CIMAP3: variants seen among roughly 807,000 people sequenced by gnomAD.
CIMAP3 encodes ciliary microtubule associated protein 3.
At chr1:111,338,751 T>G in the CIMAP3 span, among the ~76,000 whole-genome samples, 1 of 151,882 alleles carries the variant, frequency 6.6e-6, no homozygotes, top group Non-Finnish European at 1.5e-5. Flanking sequence ...CCAGATGGAT[T>G]CACAGCCGAA....
the CIMAP3 span, among the ~76,000 whole-genome samples, chr1:111,329,551 AT>A: frequency 7.4e-5 from 4 of 54,152 alleles, no homozygotes; most frequent in African/African-American, 3.2e-4. Context: ...ATATATATAT[AT>A]ATATATAATT....
chr1:111,343,862 G>T, the CIMAP3 span, among the ~76,000 whole-genome samples: 1 of 152,132 alleles, frequency 6.6e-6, no homozygotes, highest in Admixed American at 6.5e-5. Flanking sequence ...TATTGACTTT[G>T]TTTTTAGAGT....
the CIMAP3 span, among the ~76,000 whole-genome samples, chr1:111,334,560 C>G: frequency 2.0e-5 from 3 of 152,184 alleles, no homozygotes; most frequent in Non-Finnish European, 4.4e-5. Flanking sequence ...GAACCAGTAA[C>G]TGACCCTACT....
chr1:111,328,296 A>C, the CIMAP3 span, among the ~76,000 whole-genome samples: 4 of 152,224 alleles, frequency 2.6e-5, no homozygotes, highest in Non-Finnish European at 5.9e-5. Context: ...AGTATGTGCC[A>C]GGTGGCAATG....
At chr1:111,337,696 C>A in the CIMAP3 span, among the ~76,000 whole-genome samples, 1 of 152,164 alleles carries the variant, frequency 6.6e-6, no homozygotes, top group Non-Finnish European at 1.5e-5. Context: ...ATTCATAAAG[C>A]AAGTCCTGAG....
At chr1:111,331,905 G>A in the CIMAP3 span, among the ~76,000 whole-genome samples, 1 of 152,138 alleles carries the variant, frequency 6.6e-6, no homozygotes, top group Admixed American at 6.5e-5. Flanking sequence ...TTCAGGGAGG[G>A]TGCATTGGCC....
the CIMAP3 span, among the ~76,000 whole-genome samples, chr1:111,337,461 T>C: frequency 1.3e-5 from 2 of 151,936 alleles, no homozygotes; most frequent in African/African-American, 2.4e-5. Flanking sequence ...CCATCTCACA[T>C]GCAGAGACAC....
the CIMAP3 span, among the ~76,000 whole-genome samples, chr1:111,332,307 C>G: frequency 3.9e-5 from 6 of 152,318 alleles, no homozygotes; most frequent in South Asian, 6.2e-4. Context: ...GGACCCAGCT[C>G]TATGACTGCT....
chr1:111,346,800 C>T, the CIMAP3 span: 6 of 1,572,076 alleles, frequency 3.8e-6, no homozygotes, highest in Non-Finnish European at 5.2e-6. Flanking sequence ...TTTGTAAGCG[C>T]ACGGTTGGGC....
the CIMAP3 span, among the ~76,000 whole-genome samples, chr1:111,334,565 C>T: frequency 3.9e-5 from 6 of 152,174 alleles, no homozygotes; most frequent in African/African-American, 1.4e-4. Context: ...AGTAACTGAC[C>T]CTACTGAGAC....
chr1:111,343,091 A>G, the CIMAP3 span, among the ~76,000 whole-genome samples: 3 of 152,188 alleles, frequency 2.0e-5, no homozygotes, highest in Non-Finnish European at 2.9e-5. Flanking sequence ...AAACCCATAC[A>G]TTGAATTATT....
chr1:111,347,782 TG>T, the CIMAP3 span: 1 of 1,592,820 alleles, frequency 6.3e-7, no homozygotes. Context: ...GGTAATGTGC[TG>T]GGATTTTAGT....
chr1:111,347,144 A>T, the CIMAP3 span: 1 of 1,389,150 alleles, frequency 7.2e-7, no homozygotes, highest in African/African-American at 1.5e-5. Flanking sequence ...ATTCTGTGGG[A>T]CTTGAGATCT....
chr1:111,339,172 T>G, the CIMAP3 span, among the ~76,000 whole-genome samples: 4 of 151,198 alleles, frequency 2.6e-5, no homozygotes, highest in African/African-American at 4.9e-5. Context: ...TGCTAAAAAC[T>G]CTCAATAAAT....
At chr1:111,340,786 G>A in the CIMAP3 span, among the ~76,000 whole-genome samples, 2 of 152,036 alleles carry the variant, frequency 1.3e-5, no homozygotes, top group East Asian at 1.9e-4. Context: ...AACCATTGTG[G>A]AAGTCAGTGT....
chr1:111,340,093 C>T, the CIMAP3 span, among the ~76,000 whole-genome samples: 1 of 151,982 alleles, frequency 6.6e-6, no homozygotes, highest in African/African-American at 2.4e-5. Context: ...CTGAGAAAAA[C>T]AAGCAATGGG....
the CIMAP3 span, among the ~76,000 whole-genome samples, chr1:111,334,010 T>G: frequency 6.6e-6 from 1 of 152,232 alleles, no homozygotes; most frequent in African/African-American, 2.4e-5. Flanking sequence ...TGATTTTTAC[T>G]TTCATTAATA....
the CIMAP3 span, among the ~76,000 whole-genome samples, chr1:111,342,673 A>G: frequency 2.0e-5 from 3 of 152,240 alleles, no homozygotes; most frequent in East Asian, 5.8e-4. Context: ...TTCTCCCCCC[A>G]GGCACTGTGA....
At chr1:111,351,939 A>C in the CIMAP3 span, 11 of 152,200 alleles carry the variant, frequency 7.2e-5, no homozygotes, top group African/African-American at 2.4e-4. Context: ...CAGAGCAGTA[A>C]GCACTGGGGA....
Sources: allele counts gnomAD v4.1 joint callset (sites outside exome capture counted in the v4.1 genomes callset), GRCh38; gene constraint gnomAD v4.1.1; transcripts MANE v1.5; gene names NCBI Gene and HGNC (gene_info 2026-07-23, HGNC 2026-07-21).